Variants in UTP20 observed in about 807,000 individuals in gnomAD.
UTP20 encodes the protein small subunit processome component 20 homolog.
A neutral mutation model predicts 329.5 loss-of-function variants in UTP20; 164 were observed. The ratio of observed to expected loss-of-function variants is 0.50; its 90% CI spans 0.44 to 0.57. The LOEUF is 0.57. UTP20 is among the 20% of genes least tolerant of loss of function. The pLI, the probability that UTP20 is intolerant of heterozygous loss-of-function variation, is 0.00. For synonymous variants in UTP20, 1,151 were observed against 1,159.3 expected, an observed-to-expected ratio of 0.99 and a Z score of 0.14; for missense variants, 3,055 against 3,284.2, an observed-to-expected ratio of 0.93 and a Z score of 1.71.
At chr12:101,348,542 G>A (rs1265151700) in intron 38 of UTP20, among the ~76,000 whole-genome samples, 4 of 151,622 alleles carry the variant, frequency 2.6e-5, no homozygotes, top group Non-Finnish European at 4.4e-5. Context: ...ATAAAGAAAA[G>A]GTCTTTTATA....
In UTP20 at chr12:101,361,994, G is replaced by T. The variant is rs144773469; in HGVS notation, c.5724G>T (p.Leu1908=). Reference sequence around the variant, plus strand: ...TGCTGACTTTCACCGTTCACATGCTGCTGCAAGGCCTCACCAATAAGCTGC... The same window carrying T: ...TGCTGACTTTCACCGTTCACATGCTTCTGCAAGGCCTCACCAATAAGCTGC... ...VHVLTFTVHM[L]LQGLTNKLQV... The change falls in exon 44 of 62, where the codon CTG becomes CTT. Residue 1908 remains leucine (L), a synonymous_variant. Coordinates refer to ENST00000261637, the MANE Select transcript of UTP20 (RefSeq NM_014503.3). The T allele has an allele frequency of 5.6e-5, 90 of 1,613,722 alleles. No individual in the cohort carries two copies. The African/African-American group carries it at 1.1e-3, about 19-fold the overall frequency.
rs528972479 is a variant in UTP20, at chr12:101,353,101, A to G, written c.5079A>G (p.Glu1693=). The G allele has an allele frequency of 1.9e-6, 3 of 1,599,614 alleles. No homozygotes were observed. Among genetic ancestry groups the G allele is most frequent in the East Asian group, 4.5e-5 (2 of 44,588 alleles). Residue 1693 remains glutamate (E), a synonymous_variant, in exon 40 of 62, where the codon GAA becomes GAG. Coordinates refer to ENST00000261637, the MANE Select transcript of UTP20 (RefSeq NM_014503.3). The part of the protein sequence containing the change: ...AFHFDHKTLE[E]QMGKIENEEN... ...ACTTTGACCACAAAACTCTTGAAGA[A>G]CAAATGGGAAAAATTGAGAATGAAG...
intron 27 of UTP20, 116 bp from the exon 28 acceptor site, chr12:101,333,185 T>C: frequency 1.0e-6 from 1 of 982,322 alleles, no homozygotes; most frequent in East Asian, 2.6e-5. Flanking sequence ...TCAACAGATT[T>C]AGTAACAGGA....
chr12:101,366,224 T>A (rs1297157119), intron 46 of UTP20, among the ~76,000 whole-genome samples: 1 of 152,202 alleles, frequency 6.6e-6, no homozygotes. Context: ...AGAGCAAGAC[T>A]GTCTCAAAAA....
chr12:101,290,518 A>G (rs1427241167), intron 7 of UTP20, among the ~76,000 whole-genome samples: 2 of 152,168 alleles, frequency 1.3e-5, no homozygotes, highest in East Asian at 1.9e-4. Flanking sequence ...TTAATGGGCA[A>G]GGGCAGGTGG....
At chr12:101,340,694 T>A in intron 32 of UTP20, 84 bp downstream of exon 32, 1 of 851,140 alleles carries the variant, frequency 1.2e-6, no homozygotes, top group Non-Finnish European at 1.9e-6. Flanking sequence ...TTTTACTGGC[T>A]AGATTTTGTG....
chr12:101,333,298 C>T lies in UTP20; in HGVS notation c.3418-3C>T, dbSNP rs770386884. 3.1e-6 allele frequency: 5 copies of T among 1,611,286 alleles called. No individual in the cohort carries two copies. Among genetic ancestry groups the T allele is most frequent in the Non-Finnish European group, 4.2e-6 (5 of 1,178,942 alleles). Reference sequence around the variant, plus strand: ...TTTTGAACAGAAGATCTTTGTTTTACAGATACAGCTGAGATTTATTAATCC... The same window carrying T: ...TTTTGAACAGAAGATCTTTGTTTTATAGATACAGCTGAGATTTATTAATCC... On this transcript the variant is annotated splice_polypyrimidine_tract_variant and splice_region_variant and intron_variant, in intron 27 of 61. Transcript: ENST00000261637.
At chr12:101,354,276 A>AG (rs1359600927) in intron 40 of UTP20, among the ~76,000 whole-genome samples, 31 of 133,892 alleles carry the variant, frequency 2.3e-4, no homozygotes, top group South Asian at 4.4e-4. Flanking sequence ...AAAAAAAAAA[A>AG]AAAAAAAAGA....
intron 46 of UTP20, among the ~76,000 whole-genome samples, chr12:101,366,212 A>G (rs912953684): frequency 1.6e-4 from 24 of 152,222 alleles, no homozygotes; most frequent in African/African-American, 4.8e-4. Flanking sequence ...AGGCTGGGCA[A>G]CAGAGCAAGA....
chr12:101,328,227 A>T (rs7313828), intron 26 of UTP20, among the ~76,000 whole-genome samples: 9 of 152,068 alleles, frequency 5.9e-5, no homozygotes, highest in African/African-American at 9.7e-5. Context: ...TGCCAAAAAA[A>T]GTTTCTGTTC....
chr12:101,300,756 T>C (rs1363253093), intron 14 of UTP20, among the ~76,000 whole-genome samples: 1 of 152,246 alleles, frequency 6.6e-6, no homozygotes, highest in Non-Finnish European at 1.5e-5. Flanking sequence ...TAAATATTAA[T>C]GTGCTACATT....
intron 31 of UTP20, 23 bp from the exon 32 acceptor site, chr12:101,340,500 A>G (rs747507643): frequency 3.4e-6 from 5 of 1,452,850 alleles, no homozygotes; most frequent in Non-Finnish European, 4.8e-6. Context: ...TGTTCCTTAT[A>G]TATCCGTTTT....
intron 2 of UTP20, 75 bp downstream of exon 2, chr12:101,281,271 G>T: frequency 7.8e-7 from 1 of 1,285,626 alleles, no homozygotes. Flanking sequence ...GAAGTGAATT[G>T]TTTTTCAAGG....
intron 38 of UTP20, 107 bp downstream of exon 38, chr12:101,346,695 T>C (rs761863852): frequency 1.1e-5 from 13 of 1,153,166 alleles, no homozygotes; most frequent in Non-Finnish European, 1.5e-5. Flanking sequence ...ATCACCATAA[T>C]TAGAGGTTTA....
chr12:101,373,918 T>C, intron 54 of UTP20, 151 bp downstream of exon 54: 1 of 995,194 alleles, frequency 1.0e-6, no homozygotes. Context: ...ATTCTTAAAG[T>C]TTTCCAAAGT....
chr12:101,342,463 T>C lies in UTP20; in HGVS notation c.4119T>C (p.Ile1373=). ...GNIAEDTEVD[I]LVTVQNLLKH... ...TTCTCAAGGATACAGAGGTTGATAT[T>C]CTGGTGACAGTACAAAACTTGTTAA... Residue 1373 remains isoleucine, a synonymous_variant, in exon 33 of 62, where the codon ATT becomes ATC. Coordinates refer to ENST00000261637, the MANE Select transcript of UTP20 (RefSeq NM_014503.3). 3.1e-6 allele frequency: 5 copies of C among 1,609,446 alleles called. No homozygotes were observed. Among genetic ancestry groups the C allele is most frequent in the Non-Finnish European group, 4.2e-6 (5 of 1,178,794 alleles).
At chr12:101,375,048 C>T (rs1870428597) in intron 55 of UTP20, 109 bp downstream of exon 55, 2 of 732,956 alleles carry the variant, frequency 2.7e-6, no homozygotes, top group Non-Finnish European at 2.2e-6. Context: ...ATATTTATAG[C>T]TATAGCTATT....
intron 55 of UTP20, 132 bp downstream of exon 55, chr12:101,375,071 A>C: frequency 1.6e-6 from 1 of 634,992 alleles, no homozygotes; most frequent in East Asian, 2.8e-5. Flanking sequence ...TAGCTAATCA[A>C]TTAAATATTT....
chr12:101,292,146 T>G (rs746688965), intron 10 of UTP20, 42 bp downstream of exon 10: 1 of 1,588,828 alleles, frequency 6.3e-7, no homozygotes, highest in South Asian at 1.1e-5. Flanking sequence ...GTTAATAATA[T>G]GTTTAGCATT....
Sources: gnomAD v4.1 joint callset for allele counts (sites outside exome capture counted in the v4.1 genomes callset) on GRCh38, gnomAD v4.1.1 for gene constraint, MANE v1.5 for transcripts, NCBI Gene and HGNC (gene_info 2026-07-23, HGNC 2026-07-21) for gene names.